Variants in ZNF793 observed in about 807,000 individuals in gnomAD.
ZNF793 encodes zinc finger protein 793.
In ZNF793, 5 loss-of-function variants were observed where a neutral mutation model predicts 12.4. The ratio of observed to expected loss-of-function variants is 0.40; its 90% confidence interval spans 0.21 to 0.84. The LOEUF (loss-of-function observed/expected upper bound fraction) is 0.84, where lower values mean the gene tolerates loss of function less well. Among genes scored for constraint, ZNF793 ranks in the 40% least tolerant of loss-of-function variants. The pLI, the probability that ZNF793 is intolerant of heterozygous loss-of-function variation, is 0.35. For missense variants in ZNF793, 456 were observed against 495.0 expected, an observed-to-expected ratio of 0.92 and a Z score of 0.75; for synonymous variants, 162 against 172.4, an observed-to-expected ratio of 0.94 and a Z score of 0.47.
At position 37,539,403 on chromosome 19, in the gene ZNF793, T is replaced by C. The variant is rs1459858665; in HGVS notation, c.*1524T>C. Reference sequence around the variant, plus strand: ...AGAATTTCTTTTCTCTCTATCCCTCTGCAAATTAATTCAAGAATATTCATT... The same window carrying C: ...AGAATTTCTTTTCTCTCTATCCCTCCGCAAATTAATTCAAGAATATTCATT... On this transcript the variant is annotated 3_prime_UTR_variant, in exon 8 of 8. Coordinates refer to ENST00000627814, the MANE Select transcript of ZNF793 (RefSeq NM_001013659.3). 6.6e-6 allele frequency: 1 copy of C among 152,238 alleles called. No homozygotes were observed. Among genetic ancestry groups the C allele is most frequent in the African/African-American group, 2.4e-5 (1 of 41,474 alleles). 9.4% of individuals were successfully genotyped at this position (152,238 alleles called of 1,614,324 possible). A position where few individuals can be genotyped will look rare whatever the true frequency, so the allele number is the denominator to read the frequency against.
At chr19:37,510,371 T>G (rs188063022) in intron 2 of ZNF793, among the ~76,000 whole-genome samples, 2 of 150,700 alleles carry the variant, frequency 1.3e-5, no homozygotes, top group African/African-American at 4.9e-5. Flanking sequence ...AAAAATTAGC[T>G]GGGCTTGGTG....
In ZNF793 at chr19:37,537,265, C is replaced by T. The variant is rs780747315; in HGVS notation, c.607C>T (p.Leu203Phe). Residue 203 changes from leucine to phenylalanine, a missense_variant, in exon 8 of 8, where the codon CTT becomes TTT. By Grantham distance (22) the Leu-to-Phe change is conservative. Coordinates refer to ENST00000627814, the MANE Select transcript of ZNF793 (RefSeq NM_001013659.3). ...GAAAGCTTTCACCCAGAACCCGGCA[C>T]TTATGTATAAACCAGCAGTAAGTGA... Reference protein sequence around the residue: ...CEKAFTQNPALMYKPAVSDSL... With the variant: ...CEKAFTQNPAFMYKPAVSDSL... 5.0e-6 allele frequency: 8 copies of T among 1,613,920 alleles called. No individual in the cohort carries two copies. The South Asian group carries it at 8.8e-5, about 18-fold the overall frequency.
intron 3 of ZNF793, among the ~76,000 whole-genome samples, chr19:37,520,925 C>T (rs965164854): frequency 3.3e-5 from 5 of 151,638 alleles, no homozygotes; most frequent in African/African-American, 7.3e-5. Context: ...TTCACTCTTG[C>T]CACCCAGGCT....
rs2042541537 is a variant in ZNF793 at position 37,540,063 on chromosome 19, A to AT, written c.*2185dup. ...TTTGGGAGGCCGAGGCAGGTGGATC[A>AT]TGAGGTCAGAAGTTCGAGATGGTGA... On this transcript the variant is annotated 3_prime_UTR_variant, in exon 8 of 8. Coordinates refer to ENST00000627814, the MANE Select transcript of ZNF793 (RefSeq NM_001013659.3). The AT allele has an allele frequency of 3.3e-5, 5 of 152,032 alleles. No individual in the cohort carries two copies. Among genetic ancestry groups the AT allele is most frequent in the Admixed American group, 3.3e-4 (5 of 15,254 alleles). 9.4% of individuals were successfully genotyped at this position (152,032 alleles called of 1,614,324 possible). A position where few individuals can be genotyped will look rare whatever the true frequency, so the allele number is the denominator to read the frequency against.
intron 2 of ZNF793, among the ~76,000 whole-genome samples, chr19:37,508,737 T>C (rs1278281669): frequency 6.6e-6 from 1 of 151,634 alleles, no homozygotes; most frequent in African/African-American, 2.4e-5. Context: ...ATAAACAAAA[T>C]AAAATAAAAT....
intron 5 of ZNF793, among the ~76,000 whole-genome samples, chr19:37,528,359 G>A (rs989734927): frequency 6.6e-6 from 1 of 151,906 alleles, no homozygotes; most frequent in African/African-American, 2.4e-5. Context: ...ATGTAGAAAG[G>A]CTTGACTGTT....
intron 1 of ZNF793, among the ~76,000 whole-genome samples, chr19:37,507,859 G>A (rs1421162020): frequency 2.6e-5 from 4 of 152,160 alleles, no homozygotes; most frequent in Non-Finnish European, 5.9e-5. Context: ...TGAACATAGG[G>A]GAATATCAGT....
In ZNF793 at chr19:37,537,027, A is replaced by C; in HGVS notation, c.369A>C (p.Ser123=). 6.2e-7 allele frequency: 1 copy of C among 1,613,920 alleles called. No homozygotes were observed. Among genetic ancestry groups the C allele is most frequent in the Non-Finnish European group, 8.5e-7 (1 of 1,179,860 alleles). Residue 123 remains serine (S), a synonymous_variant, in exon 8 of 8, where the codon TCA becomes TCC. Transcript: ENST00000627814. The stretch of plus-strand genomic sequence containing the variant: ...AATATAATAAGTTTGGGAAAATATC[A>C]CTTCTGAGCACTGATCTTTTTTCTT... ...SCEYNKFGKI[S]LLSTDLFSSI...
intron 2 of ZNF793, among the ~76,000 whole-genome samples, chr19:37,514,342 A>C (rs1346808938): frequency 6.6e-6 from 1 of 152,160 alleles, no homozygotes; most frequent in Non-Finnish European, 1.5e-5. Context: ...GTAACACACT[A>C]TTCTTTAGTT....
At chr19:37,528,056 G>C (rs1257647339) in intron 5 of ZNF793, among the ~76,000 whole-genome samples, 1 of 152,100 alleles carries the variant, frequency 6.6e-6, no homozygotes, top group Non-Finnish European at 1.5e-5. Context: ...TTGAGCCCAG[G>C]AGACGGAGGT....
At position 37,537,480 on chromosome 19, in the gene ZNF793, G is replaced by C; in HGVS notation, c.822G>C (p.Gln274His). The stretch of plus-strand genomic sequence containing the variant: ...ATAAGTCAACCCTCATCAAACACCA[G>C]AGAATTCACACTGGGGTAAGACCCT... ...FSHKSTLIKH[Q>H]RIHTGVRPFE... Residue 274 changes from glutamine (Q) to histidine (H), a missense_variant, in exon 8 of 8, where the codon CAG (glutamine) becomes CAC (histidine). Gln to His is a conservative substitution (Grantham distance 24). Coordinates refer to ENST00000627814, the MANE Select transcript of ZNF793 (RefSeq NM_001013659.3). 1 of 1,614,008 alleles carries C rather than the reference G, an allele frequency of 6.2e-7. No homozygotes were observed. The highest frequency in any genetic ancestry group is 1.6e-4 in the Middle Eastern group (1 of 6,062).
chr19:37,539,891 T>C lies in ZNF793; in HGVS notation c.*2012T>C, dbSNP rs907474939. On this transcript the variant is annotated 3_prime_UTR_variant, in exon 8 of 8. Transcript: ENST00000627814. Reference sequence around the variant, plus strand: ...TAAAGAAAGAGTAATACCAGTGTTATTTATTATATGGATGTAATACAATCC... The same window carrying C: ...TAAAGAAAGAGTAATACCAGTGTTACTTATTATATGGATGTAATACAATCC... 3 of 152,212 alleles carry C rather than the reference T, an allele frequency of 2.0e-5. No individual in the cohort carries two copies. The highest frequency in any genetic ancestry group is 4.4e-5 in the Non-Finnish European group (3 of 68,036). The allele number at this position is 152,212 out of a possible 1,614,324, so 9.4% of individuals were successfully genotyped here. A position where few individuals can be genotyped will look rare whatever the true frequency, so the allele number is the denominator to read the frequency against.
At chr19:37,514,679 A>T (rs907987243) in intron 2 of ZNF793, among the ~76,000 whole-genome samples, 1 of 152,166 alleles carries the variant, frequency 6.6e-6, no homozygotes, top group Non-Finnish European at 1.5e-5. Flanking sequence ...TATAAAGCCA[A>T]CATTGTTGCA....
chr19:37,536,673 T>G lies in ZNF793; in HGVS notation c.239-224T>G, dbSNP rs190196906. 2.4e-3 allele frequency: 1,229 copies of G among 510,460 alleles called. 3 individuals carry two copies. Among genetic ancestry groups the G allele is most frequent in the Non-Finnish European group, 3.3e-3 (994 of 299,586 alleles). 31.6% of individuals were successfully genotyped at this position (510,460 alleles called of 1,614,324 possible). ...GTTTGCCAACCTCTGCTCTGTAATA[T>G]CCTATTTTCTTTGAAATTATTGGTC... On this transcript the variant is annotated intron_variant, in intron 7 of 7. Transcript: ENST00000627814.
In ZNF793 at chr19:37,537,165, T is replaced by TTAA; in HGVS notation, c.507_508insTAA (p.Tyr169_Gly170insTer). On this transcript the variant is annotated stop_gained and inframe_insertion, in exon 8 of 8. Transcript: ENST00000627814. LOFTEE classifies it low-confidence loss of function (END_TRUNC). ...AAAAGCAAGATGAGTGTTATGCTTA[T>TTAA]GGGAAATTGCTTCAGCGTATAAATC... 6.2e-7 allele frequency: 1 copy of TTAA among 1,613,664 alleles called. No individual in the cohort carries two copies. Among genetic ancestry groups the TTAA allele is most frequent in the East Asian group, 2.2e-5 (1 of 44,890 alleles).
chr19:37,510,515 CAAAA>C (rs1158855173), intron 2 of ZNF793, among the ~76,000 whole-genome samples: 1 of 70,832 alleles, frequency 1.4e-5, no homozygotes. Flanking sequence ...AACTCCATCT[CAAAA>C]AAAAAAAAAA....
rs148987520 is a variant in ZNF793, at chr19:37,538,913, T to C, written c.*1034T>C. 2 of 152,322 alleles carry C rather than the reference T, an allele frequency of 1.3e-5. No individual in the cohort carries two copies. Among genetic ancestry groups the C allele is most frequent in the Non-Finnish European group, 2.9e-5 (2 of 68,030 alleles). 9.4% of individuals were successfully genotyped at this position (152,322 alleles called of 1,614,324 possible). On this transcript the variant is annotated 3_prime_UTR_variant, in exon 8 of 8. Coordinates refer to ENST00000627814, the MANE Select transcript of ZNF793 (RefSeq NM_001013659.3). ...ATGCCATTCAGAAAACTTTTCCACT[T>C]TAAATATCATCATTGTCTTTTGATG...
At chr19:37,532,542 A>G in intron 6 of ZNF793, 60 bp downstream of exon 6, 2 of 1,497,648 alleles carry the variant, frequency 1.3e-6, no homozygotes, top group South Asian at 2.7e-5. Flanking sequence ...TTCCTTTCTC[A>G]GTTGCTAAAA....
rs2042532479 is a variant in ZNF793, at chr19:37,538,808, G to A, written c.*929G>A. 1 of 152,196 alleles carries A rather than the reference G, an allele frequency of 6.6e-6. No homozygotes were observed. The highest frequency in any genetic ancestry group is 1.5e-5 in the Non-Finnish European group (1 of 68,046). The allele number at this position is 152,196 out of a possible 1,614,324, so 9.4% of individuals were successfully genotyped here. ...TATTCCACAGTGAGCCATACAATCA[G>A]CATTATTTGTATTTTGGAGTTGTAA... is the stretch of plus-strand genomic sequence containing the variant. On this transcript the variant is annotated 3_prime_UTR_variant, in exon 8 of 8. Transcript: ENST00000627814.
Sources: allele counts gnomAD v4.1 joint callset (sites outside exome capture counted in the v4.1 genomes callset), GRCh38; gene constraint gnomAD v4.1.1; transcripts MANE v1.5; gene names NCBI Gene and HGNC (gene_info 2026-07-23, HGNC 2026-07-21).